Variants in RAD51B observed in about 807,000 individuals in gnomAD.
RAD51B encodes the protein DNA repair protein RAD51 homolog 2.
Under a neutral mutation model 42.2 loss-of-function variants are expected in RAD51B, and 38 were observed. The observed-to-expected ratio is 0.90, with a 90% CI of 0.70 to 1.18. The LOEUF is 1.18. Ranked by LOEUF, RAD51B falls within the 50% of genes most tolerant of loss-of-function variation. RAD51B has a pLI of 0.00. For missense variants in RAD51B, 373 were observed against 400.7 expected (o/e 0.93, Z 0.59); for synonymous variants, 154 against 145.2 (o/e 1.06, Z -0.43).
chr14:68,631,782 T>C (rs1892233265), intron 10 of RAD51B, among the ~76,000 whole-genome samples: 1 of 152,156 alleles, frequency 6.6e-6, no homozygotes, highest in Admixed American at 6.5e-5. Flanking sequence ...GGCTCACCCT[T>C]GAAGACGCCG....
chr14:68,013,003 A>G (rs915046932), intron 7 of RAD51B, among the ~76,000 whole-genome samples: 2 of 152,192 alleles, frequency 1.3e-5, no homozygotes, highest in Non-Finnish European at 2.9e-5. Flanking sequence ...GGCACAAAGC[A>G]ATCAGTTATT....
rs550684579 is a variant in RAD51B at position 68,159,697 on chromosome 14, A to G, written c.757-132187A>G. ...TTAGTTTTTCATACTCAGTTTTTAC[A>G]TTCTATTTCCAATGCTTTCTAACCA... On this transcript the variant is annotated intron_variant, in intron 7 of 10. Coordinates refer to ENST00000471583, the MANE Select transcript of RAD51B (RefSeq NM_133510.4). 3.5e-3 allele frequency among the ~76,000 whole-genome samples: 536 copies of G among 152,026 alleles called. 5 individuals carry two copies. The highest frequency in any genetic ancestry group is 0.012 in the African/African-American group (508 of 41,478).
chr14:67,866,465 T>C (rs530538520), intron 5 of RAD51B, among the ~76,000 whole-genome samples: 1 of 152,352 alleles, frequency 6.6e-6, no homozygotes, highest in South Asian at 2.1e-4. Flanking sequence ...TTCAAATAGC[T>C]CTTACAAAGG....
At position 68,477,632 on chromosome 14, in the gene RAD51B, T is replaced by A. The variant is rs369949614; in HGVS notation, c.1037-16T>A. ...TTTTTTTTTCAAACTTTCTCTTTTT[T>A]TTTTTTTTCCTTTAGGCCAAGAGAA... On this transcript the variant is annotated splice_polypyrimidine_tract_variant and intron_variant, in intron 10 of 10. Coordinates refer to ENST00000471583, the MANE Select transcript of RAD51B (RefSeq NM_133510.4). 3.1e-6 allele frequency: 5 copies of A among 1,607,140 alleles called. No homozygotes were observed. The South Asian group carries it at 5.6e-5, about 18-fold the overall frequency.
At position 68,229,207 on chromosome 14, in the gene RAD51B, G is replaced by T. The variant is rs559789255; in HGVS notation, c.757-62677G>T. On this transcript the variant is annotated intron_variant, in intron 7 of 10. Coordinates refer to ENST00000471583, the MANE Select transcript of RAD51B (RefSeq NM_133510.4). The stretch of plus-strand genomic sequence containing the variant: ...AGCTGAGAAGTGATTGTTCTATCTT[G>T]CATTGTATATATTTTAATCTTTTGT... Among the ~76,000 whole-genome samples, 19 of 152,250 alleles carry T rather than the reference G, an allele frequency of 1.2e-4. No homozygotes were observed. The East Asian group carries it at 3.3e-3, about 26-fold the overall frequency.
Position 68,426,271 on chromosome 14 carries a change from T to A in RAD51B, c.957+14744T>A, listed in dbSNP as rs144573577. On this transcript the variant is annotated intron_variant, in intron 9 of 10. Transcript: ENST00000471583. ...TTTTTTTTTTGGTAGAGACGGGGTT[T>A]CTCTATGTTGGTCAGGCTGCTTTCG... Among the ~76,000 whole-genome samples, 1,111 of 149,464 alleles carry A rather than the reference T, an allele frequency of 7.4e-3. 8 individuals are homozygous for A. Among genetic ancestry groups the A allele is most frequent in the African/African-American group, 0.026 (1,051 of 40,004 alleles).
At chr14:68,589,121 T>A (rs944643540) in intron 10 of RAD51B, among the ~76,000 whole-genome samples, 1 of 152,178 alleles carries the variant, frequency 6.6e-6, no homozygotes, top group Non-Finnish European at 1.5e-5. Context: ...TCTCCACCCA[T>A]TCTGGGGATA....
At chr14:68,114,275 T>TA (rs1032070613) in intron 7 of RAD51B, 1 of 152,078 alleles carries the variant, frequency 6.6e-6, no homozygotes, top group African/African-American at 2.4e-5. Flanking sequence ...ATTATATATA[T>TA]TTTTGTTTTA....
chr14:68,258,429 A>G (rs567934192), intron 7 of RAD51B, among the ~76,000 whole-genome samples: 1 of 147,286 alleles, frequency 6.8e-6, no homozygotes, highest in Non-Finnish European at 1.5e-5. Context: ...ACACACACAC[A>G]CACTCTCTCT....
chr14:68,061,360 C>T (rs1595342594), intron 7 of RAD51B, among the ~76,000 whole-genome samples: 2 of 152,282 alleles, frequency 1.3e-5, no homozygotes, highest in South Asian at 2.1e-4. Context: ...TGAGCCACCA[C>T]GCCCAGCTAT....
At chr14:68,224,616 CAT>C (rs1268379028) in intron 7 of RAD51B, among the ~76,000 whole-genome samples, 1 of 152,120 alleles carries the variant, frequency 6.6e-6, no homozygotes, top group African/African-American at 2.4e-5. Flanking sequence ...TTGATATTAA[CAT>C]ATGGCTTAAG....
chr14:68,612,600 C>T (rs1891719286), downstream of RAD51B, among the ~76,000 whole-genome samples: 1 of 152,020 alleles, frequency 6.6e-6, no homozygotes, highest in Admixed American at 6.6e-5. Flanking sequence ...TGGTGATTAC[C>T]AGAGGTTGGG....
chr14:68,139,196 T>C (rs1158891215), intron 7 of RAD51B, among the ~76,000 whole-genome samples: 1 of 152,136 alleles, frequency 6.6e-6, no homozygotes, highest in Non-Finnish European at 1.5e-5. Context: ...GAGATCCTCC[T>C]TCAAAGATCT....
At chr14:67,973,922 T>C (rs1431840562) in intron 7 of RAD51B, among the ~76,000 whole-genome samples, 1 of 152,184 alleles carries the variant, frequency 6.6e-6, no homozygotes, top group Admixed American at 6.6e-5. Flanking sequence ...TTTCTACTTA[T>C]GTTTCTTCTA....
chr14:68,061,448 AG>A (rs1363035232), intron 7 of RAD51B, among the ~76,000 whole-genome samples: 42 of 152,102 alleles, frequency 2.8e-4, no homozygotes, highest in Admixed American at 2.7e-3. Context: ...TAGTATTTTG[AG>A]GGGGATCACA....
chr14:68,058,242 C>G (rs961696780), intron 7 of RAD51B, among the ~76,000 whole-genome samples: 2 of 152,076 alleles, frequency 1.3e-5, no homozygotes, highest in African/African-American at 4.8e-5. Flanking sequence ...TACCAGTTTC[C>G]TGATGTTTCT....
intron 10 of RAD51B, among the ~76,000 whole-genome samples, chr14:68,510,127 G>T (rs1258522655): frequency 6.6e-6 from 1 of 152,124 alleles, no homozygotes; most frequent in Non-Finnish European, 1.5e-5. Context: ...AGCAGTTTCT[G>T]TGCCTTCCAG....
At chr14:67,856,118 G>A (rs973459677) in intron 4 of RAD51B, among the ~76,000 whole-genome samples, 4 of 152,118 alleles carry the variant, frequency 2.6e-5, no homozygotes, top group Non-Finnish European at 5.9e-5. Context: ...TTTTGTTAAT[G>A]GTGGAACTTG....
chr14:68,490,682 G>A (rs1883994726), intron 10 of RAD51B, among the ~76,000 whole-genome samples: 1 of 152,082 alleles, frequency 6.6e-6, no homozygotes. Context: ...TCTCAATTGG[G>A]GCAAATCATC....
Sources: allele counts gnomAD v4.1 joint callset (sites outside exome capture counted in the v4.1 genomes callset), GRCh38; gene constraint gnomAD v4.1.1; transcripts MANE v1.5; gene names NCBI Gene and HGNC (gene_info 2026-07-23, HGNC 2026-07-21).